The following NTSR2 variants were observed in gnomAD, a reference collection of about 807,000 sequenced individuals.
NTSR2 encodes neurotensin receptor type 2.
In NTSR2, 22 loss-of-function variants were observed where a neutral mutation model predicts 24.1. That is an observed-to-expected ratio of 0.91 (90% CI 0.65 to 1.30). NTSR2 has a LOEUF of 1.30. Ranked by LOEUF, NTSR2 falls within the 50% of genes most tolerant of loss-of-function variation. NTSR2 has a pLI of 0.00. For missense variants in NTSR2, 570 were observed against 570.4 expected (o/e 1.00, Z 0.01); for synonymous variants, 291 against 267.0 (o/e 1.09, Z -0.88).
At chr2:11,662,278 G>A (rs2148484803) in intron 1 of NTSR2, 38 bp from the exon 2 acceptor site, 1 of 1,453,212 alleles carries the variant, frequency 6.9e-7, no homozygotes, top group East Asian at 2.5e-5. Flanking sequence ...GGCAGCGCCA[G>A]GGCCCTGCGG....
intron 3 of NTSR2, among the ~76,000 whole-genome samples, chr2:11,659,724 G>GGA (rs1039959712): frequency 2.0e-5 from 3 of 152,302 alleles, no homozygotes; most frequent in African/African-American, 4.8e-5. Flanking sequence ...AGGAGAGGAA[G>GGA]GAGAGAGAGA....
Position 11,669,545 on chromosome 2 carries a change from C to A in NTSR2, c.585G>T (p.Thr195=), listed in dbSNP as rs200649974. The A allele has an allele frequency of 6.5e-7, 1 of 1,533,608 alleles. No individual in the cohort carries two copies. Among genetic ancestry groups the A allele is most frequent in the Non-Finnish European group, 8.7e-7 (1 of 1,148,908 alleles). ...GGAGCGCGGTGCGGCTCACCAGCACCGTGCACACTCGCGAGGCGGGCTCCG... is the reference window on the plus strand; with the variant it reads ...GGAGCGCGGTGCGGCTCACCAGCACAGTGCACACTCGCGAGGCGGGCTCCG... The part of the protein sequence containing the change: ...GEPEPASRVC[T]VLVSRTALQV... Residue 195 remains threonine (T), a synonymous_variant, in exon 1 of 4, where the codon ACG becomes ACT. Transcript: ENST00000306928.
At chr2:11,663,075 C>T (rs1453449887) in intron 1 of NTSR2, among the ~76,000 whole-genome samples, 1 of 152,144 alleles carries the variant, frequency 6.6e-6, no homozygotes, top group Non-Finnish European at 1.5e-5. Flanking sequence ...TGGCTTCCAT[C>T]TTAGAATTTT....
intron 2 of NTSR2, 130 bp from the exon 3 acceptor site, chr2:11,660,263 G>T: frequency 1.5e-6 from 1 of 682,462 alleles, no homozygotes; most frequent in Non-Finnish European, 2.6e-6. Context: ...CTGGAGTCAA[G>T]GGTTGGAAGG....
chr2:11,661,780 TCTTTC>T (rs1278586674), intron 2 of NTSR2, among the ~76,000 whole-genome samples, 182 bp downstream of exon 2: 1 of 152,190 alleles, frequency 6.6e-6, no homozygotes, highest in African/African-American at 2.4e-5. Context: ...GAATTCCTAT[TCTTTC>T]CTTTAATTAT....
chr2:11,659,987 G>T (rs1043916326), intron 3 of NTSR2, 56 bp downstream of exon 3: 18 of 1,466,140 alleles, frequency 1.2e-5, no homozygotes, highest in Non-Finnish European at 1.6e-5. Context: ...GGAGACCCCA[G>T]GCCTAGCCCA....
intron 1 of NTSR2, among the ~76,000 whole-genome samples, chr2:11,668,434 T>G (rs1661250487): frequency 6.6e-6 from 1 of 152,178 alleles, no homozygotes; most frequent in Non-Finnish European, 1.5e-5. Flanking sequence ...CCTGGGGACG[T>G]GCCACTAAGA....
chr2:11,659,731 G>C (rs1661029196), intron 3 of NTSR2, among the ~76,000 whole-genome samples: 1 of 152,214 alleles, frequency 6.6e-6, no homozygotes, highest in African/African-American at 2.4e-5. Flanking sequence ...GAAGGAGAGA[G>C]AGAGGAAGCC....
At position 11,669,722 on chromosome 2, in the gene NTSR2, G is replaced by A. The variant is rs373013375; in HGVS notation, c.408C>T (p.Ala136=). 1.3e-6 allele frequency: 2 copies of A among 1,531,878 alleles called. No individual in the cohort carries two copies. The highest frequency in any genetic ancestry group is 1.7e-6 in the Non-Finnish European group (2 of 1,144,502). 94.9% of individuals were successfully genotyped at this position (1,531,878 alleles called of 1,614,324 possible). The change falls in exon 1 of 4, where the codon GCC becomes GCT. Residue 136 remains alanine, a synonymous_variant. Coordinates refer to ENST00000306928, the MANE Select transcript of NTSR2 (RefSeq NM_012344.4). ...TGCGGGCACGCAGGGGCTGGCACACGGCTAGGCAGCGCTCGGCGCTCAGGC... is the reference window on the plus strand; with the variant it reads ...TGCGGGCACGCAGGGGCTGGCACACAGCTAGGCAGCGCTCGGCGCTCAGGC... ...VAGLSAERCL[A]VCQPLRARSL...
intron 1 of NTSR2, among the ~76,000 whole-genome samples, chr2:11,668,934 T>C (rs1053614814): frequency 6.6e-6 from 1 of 152,080 alleles, no homozygotes; most frequent in African/African-American, 2.4e-5. Context: ...GCTTTTGACT[T>C]AAAAGCCAGA....
intron 1 of NTSR2, among the ~76,000 whole-genome samples, chr2:11,662,781 A>C (rs1449563029): frequency 9.7e-6 from 1 of 103,596 alleles, no homozygotes; most frequent in Non-Finnish European, 2.4e-5. Context: ...ACTCCGTCTC[A>C]AAAAAAAAAT....
At position 11,662,006 on chromosome 2, in the gene NTSR2, G is replaced by A. The variant is rs556704010; in HGVS notation, c.859C>T (p.Arg287Cys). 213 of 1,611,222 alleles carry A rather than the reference G, an allele frequency of 1.3e-4. No homozygotes were observed. In the South Asian group the frequency reaches 2.0e-3, roughly 15 times the overall value. Residue 287 changes from arginine to cysteine, a missense_variant, in exon 2 of 4, where the codon CGC (arginine) becomes TGC (cysteine). Physicochemically the swap from Arg to Cys is radical, Grantham distance 180 (BLOSUM62 -3). Transcript: ENST00000306928. Reference protein sequence around the residue: ...QVSLVRHKDVRRIRSLQRSVQ... With the variant: ...QVSLVRHKDVCRIRSLQRSVQ... The stretch of plus-strand genomic sequence containing the variant: ...CTGCGCTGGAGGCTGCGGATCCGGC[G>A]CACGTCTTTATGTCTCACCAGGCTG...
chr2:11,666,595 AG>A (rs1661205907), intron 1 of NTSR2, among the ~76,000 whole-genome samples: 1 of 152,140 alleles, frequency 6.6e-6, no homozygotes, highest in Non-Finnish European at 1.5e-5. Context: ...GCTACTTGGG[AG>A]GCTGAGGCAG....
At chr2:11,669,459 C>CCGGGGGCGG in intron 1 of NTSR2, 47 bp downstream of exon 1, 1 of 337,894 alleles carries the variant, frequency 3.0e-6, no homozygotes, top group East Asian at 4.3e-5. Context: ...CTCCCAGCAC[C>CCGGGGGCGG]GCCCCCCCAC....
At chr2:11,661,180 A>G (rs1214601852) in intron 2 of NTSR2, among the ~76,000 whole-genome samples, 2 of 152,174 alleles carry the variant, frequency 1.3e-5, no homozygotes, top group African/African-American at 4.8e-5. Flanking sequence ...TTCTTAACAC[A>G]CACTGAAGTT....
chr2:11,658,295 G>T lies in NTSR2; in HGVS notation c.*184C>A. 1 of 669,202 alleles carries T rather than the reference G, an allele frequency of 1.5e-6. No homozygotes were observed. Among genetic ancestry groups the T allele is most frequent in the East Asian group, 2.7e-5 (1 of 37,186 alleles). 41.5% of individuals were successfully genotyped at this position (669,202 alleles called of 1,614,324 possible). On this transcript the variant is annotated 3_prime_UTR_variant, in exon 4 of 4. Coordinates refer to ENST00000306928, the MANE Select transcript of NTSR2 (RefSeq NM_012344.4). ...TCTTTATCTCCACTACACAGACGAG[G>T]GAGCCTGAGGCTAGGAGGGGTCACG...
intron 1 of NTSR2, among the ~76,000 whole-genome samples, chr2:11,666,454 A>C (rs969730322): frequency 6.6e-6 from 1 of 152,118 alleles, no homozygotes; most frequent in Non-Finnish European, 1.5e-5. Flanking sequence ...TAATCCCAGC[A>C]CTTTGGGAGG....
chr2:11,669,460 G>GGGCCCCCC, intron 1 of NTSR2, 46 bp downstream of exon 1: 1 of 254,726 alleles, frequency 3.9e-6, no homozygotes, highest in Non-Finnish European at 6.9e-6. Context: ...TCCCAGCACC[G>GGGCCCCCC]CCCCCCCACC....
At chr2:11,669,460 G>GGGGGGGGGGGGGCGGGGCCCCCCC in intron 1 of NTSR2, 46 bp downstream of exon 1, 1 of 254,726 alleles carries the variant, frequency 3.9e-6, no homozygotes, top group Non-Finnish European at 6.9e-6. Flanking sequence ...TCCCAGCACC[G>GGGGGGGGGGGGGCGGGGCCCCCCC]CCCCCCCACC....
Sources: gnomAD v4.1 joint callset for allele counts (sites outside exome capture counted in the v4.1 genomes callset) on GRCh38, gnomAD v4.1.1 for gene constraint, MANE v1.5 for transcripts, NCBI Gene and HGNC (gene_info 2026-07-23, HGNC 2026-07-21) for gene names.